Variants in DIO1 observed in about 807,000 individuals in gnomAD.
DIO1 encodes type I iodothyronine deiodinase.
Under a neutral mutation model 25.9 loss-of-function variants are expected in DIO1, and 17 were observed. The ratio of observed to expected loss-of-function variants is 0.66; its 90% CI spans 0.45 to 0.98. The LOEUF (loss-of-function observed/expected upper bound fraction) is 0.98. Among genes scored for constraint, DIO1 ranks in the 50% least tolerant of loss-of-function variants. The pLI is 0.00. For missense variants in DIO1, 270 were observed against 310.4 expected, an observed-to-expected ratio of 0.87 and a Z score of 0.98; for synonymous variants, 115 against 114.0, an observed-to-expected ratio of 1.01 and a Z score of -0.05.
At chr1:53,900,697 C>A (rs1651313359) in intron 1 of DIO1, among the ~76,000 whole-genome samples, 1 of 152,072 alleles carries the variant, frequency 6.6e-6, no homozygotes, top group African/African-American at 2.4e-5. Flanking sequence ...TATAGTTAAC[C>A]AAATAAACCA....
chr1:53,907,911 C>T (rs1304622860), intron 3 of DIO1, among the ~76,000 whole-genome samples: 2 of 90,870 alleles, frequency 2.2e-5, no homozygotes, highest in Admixed American at 1.3e-4. Context: ...AACTCTGTCT[C>T]GGAAAAAAAA....
chr1:53,904,272 A>G (rs77246978), intron 1 of DIO1, among the ~76,000 whole-genome samples: 4 of 152,200 alleles, frequency 2.6e-5, no homozygotes, highest in African/African-American at 7.2e-5. Context: ...ACCTGGAGCA[A>G]ATGTGTAAAA....
At chr1:53,901,753 A>T (rs1003948995) in intron 1 of DIO1, among the ~76,000 whole-genome samples, 3 of 152,116 alleles carry the variant, frequency 2.0e-5, no homozygotes, top group Non-Finnish European at 4.4e-5. Flanking sequence ...AGATATAGTC[A>T]AGTGCACCTA....
Position 53,902,290 on chromosome 1 carries a change from G to A in DIO1, c.338-2376G>A, listed in dbSNP as rs180809360. Among the ~76,000 whole-genome samples the A allele has an allele frequency of 6.6e-5, 10 of 151,832 alleles. No individual in the cohort carries two copies. In the East Asian group the frequency reaches 1.4e-3, roughly 21 times the overall value. On this transcript the variant is annotated intron_variant, in intron 1 of 3. Transcript: ENST00000361921. ...AGGTAACTCCTTTATAGCCTCTCTC[G>A]TAACACTGATCACAATTTGAAACTT...
rs1650951800 is a variant in DIO1 at position 53,894,271 on chromosome 1, G to A, written c.61G>A (p.Val21Met). 1.2e-6 allele frequency: 2 copies of A among 1,614,142 alleles called. No homozygotes were observed. Among genetic ancestry groups the A allele is most frequent in the Non-Finnish European group, 1.7e-6 (2 of 1,180,062 alleles). ...KRLWVLLEVAVHVVVGKVLLI... is the reference protein window; with the variant it reads ...KRLWVLLEVAMHVVVGKVLLI... ...GCTCTGGGTGCTCTTGGAGGTGGCTGTGCATGTGGTCGTGGGTAAAGTGCT... is the reference window on the plus strand; with the variant it reads ...GCTCTGGGTGCTCTTGGAGGTGGCTATGCATGTGGTCGTGGGTAAAGTGCT... Residue 21 changes from valine (V) to methionine (M), a missense_variant, in exon 1 of 4, where the codon GTG becomes ATG. Val to Met is a conservative substitution (Grantham distance 21). Coordinates refer to ENST00000361921, the MANE Select transcript of DIO1 (RefSeq NM_000792.7). This position sits in a 1 kb window ranked among gnomAD's most constrained non-coding sequence, Gnocchi z 4.9.
intron 1 of DIO1, among the ~76,000 whole-genome samples, chr1:53,897,888 A>G (rs1651161221): frequency 1.3e-5 from 2 of 152,230 alleles, no homozygotes; most frequent in Non-Finnish European, 2.9e-5. Context: ...AAAATTTTTA[A>G]TGGTAAGAGG....
chr1:53,907,876 A>G (rs1231260815), intron 3 of DIO1, among the ~76,000 whole-genome samples: 2 of 134,544 alleles, frequency 1.5e-5, no homozygotes, highest in African/African-American at 5.8e-5. Flanking sequence ...GCACCATTGC[A>G]CTCCAGCCTG....
At chr1:53,908,917 C>T (rs1315594899) in intron 3 of DIO1, among the ~76,000 whole-genome samples, 2 of 151,974 alleles carry the variant, frequency 1.3e-5, no homozygotes, top group African/African-American at 4.8e-5. Context: ...CATGGTGAAA[C>T]CCTGTCTCTA....
chr1:53,910,314 C>A lies in DIO1; in HGVS notation c.*315C>A. ...CTTTGGAGACCACATTCCCTGCACA[C>A]GGTCTTTGAGAGAGCAGTTGCACTC... On this transcript the variant is annotated 3_prime_UTR_variant, in exon 4 of 4. Transcript: ENST00000361921. 2.8e-6 allele frequency: 1 copy of A among 356,196 alleles called. No individual in the cohort carries two copies. Among genetic ancestry groups the A allele is most frequent in the South Asian group, 3.2e-5 (1 of 30,996 alleles). The allele number at this position is 356,196 out of a possible 1,614,324, so 22.1% of individuals were successfully genotyped here.
intron 3 of DIO1, among the ~76,000 whole-genome samples, chr1:53,909,704 C>T (rs1651851842): frequency 6.6e-6 from 1 of 152,140 alleles, no homozygotes; most frequent in East Asian, 1.9e-4. Flanking sequence ...CACTTTATGT[C>T]CTCTAGTTTT....
intron 1 of DIO1, among the ~76,000 whole-genome samples, chr1:53,899,194 A>C (rs1054612243): frequency 6.6e-6 from 1 of 152,196 alleles, no homozygotes; most frequent in Non-Finnish European, 1.5e-5. Context: ...TGGATACCTG[A>C]GAGTTAATCT....
At position 53,904,808 on chromosome 1, in the gene DIO1, A is replaced by G; in HGVS notation, c.480A>G (p.Ser160=). The change falls in exon 2 of 4, where the codon TCA becomes TCG. Residue 160 remains serine (S), a splice_region_variant and synonymous_variant. Transcript: ENST00000361921. ...LVIYIEEAHA[S]DGWAFKNNMD... ...TTTACATTGAAGAAGCACATGCATCAGGTACAGAAAGATTCTCTGCCTCTT... is the reference window on the plus strand; with the variant it reads ...TTTACATTGAAGAAGCACATGCATCGGGTACAGAAAGATTCTCTGCCTCTT... The G allele has an allele frequency of 8.7e-6, 14 of 1,609,798 alleles. No individual in the cohort carries two copies. The highest frequency in any genetic ancestry group is 1.1e-5 in the Non-Finnish European group (13 of 1,178,242).
chr1:53,904,778 T>C lies in DIO1; in HGVS notation c.450T>C (p.Leu150=). ...IEDFSSIADF[L]VIYIEEAHAS... ...ACTTTAGTTCCATAGCAGATTTTCTTGTCATTTACATTGAAGAAGCACATG... is the reference window on the plus strand; with the variant it reads ...ACTTTAGTTCCATAGCAGATTTTCTCGTCATTTACATTGAAGAAGCACATG... The change falls in exon 2 of 4, where the codon CTT becomes CTC. Residue 150 remains leucine, a synonymous_variant. Coordinates refer to ENST00000361921, the MANE Select transcript of DIO1 (RefSeq NM_000792.7). 6.2e-7 allele frequency: 1 copy of C among 1,612,996 alleles called. No homozygotes were observed.
At position 53,906,232 on chromosome 1, in the gene DIO1, C is replaced by T; in HGVS notation, c.619C>T (p.Gln207Ter). Residue 207 changes from glutamine to a stop codon, truncating the protein, a stop_gained, in exon 3 of 4, where the codon CAG becomes TAG. Coordinates refer to ENST00000361921, the MANE Select transcript of DIO1 (RefSeq NM_000792.7). LOFTEE classifies it high-confidence loss of function. ...GGACACCATGCAGAACCAGAGCAGC[C>T]AGCTCTACGCAGCACTGCCTGAGAG... is the stretch of plus-strand genomic sequence containing the variant. ...VVDTMQNQSS[Q>*]LYAALPERLY... 1 of 1,614,140 alleles carries T rather than the reference C, an allele frequency of 6.2e-7. No homozygotes were observed. Among genetic ancestry groups the T allele is most frequent in the South Asian group, 1.1e-5 (1 of 91,082 alleles).
Position 53,910,983 on chromosome 1 carries a change from A to T in DIO1, c.*984A>T, listed in dbSNP as rs919712491. Reference sequence around the variant, plus strand: ...ACTCTGTGTCTTTACATATTTGTTTATGATGGCCACAGCCTAAAGTACACA... The same window carrying T: ...ACTCTGTGTCTTTACATATTTGTTTTTGATGGCCACAGCCTAAAGTACACA... On this transcript the variant is annotated 3_prime_UTR_variant, in exon 4 of 4. Coordinates refer to ENST00000361921, the MANE Select transcript of DIO1 (RefSeq NM_000792.7). The T allele has an allele frequency of 2.6e-5, 4 of 152,686 alleles. No homozygotes were observed. Among genetic ancestry groups the T allele is most frequent in the African/African-American group, 9.6e-5 (4 of 41,472 alleles). The allele number at this position is 152,686 out of a possible 1,614,324, so 9.5% of individuals were successfully genotyped here. A position where few individuals can be genotyped will look rare whatever the true frequency, so the allele number is the denominator to read the frequency against.
rs764544360 is a variant in DIO1 at position 53,904,826 on chromosome 1, T to C, written c.481+17T>C. On this transcript the variant is annotated intron_variant, in intron 2 of 3. Transcript: ENST00000361921. ...ATGCATCAGGTACAGAAAGATTCTC[T>C]GCCTCTTCTACCTCTTCCCACTGTC... The C allele has an allele frequency of 6.2e-7, 1 of 1,605,898 alleles. No individual in the cohort carries two copies. The highest frequency in any genetic ancestry group is 8.5e-7 in the Non-Finnish European group (1 of 1,176,290).
intron 3 of DIO1, among the ~76,000 whole-genome samples, chr1:53,908,876 G>C (rs1557627134): frequency 1.3e-5 from 2 of 152,110 alleles, no homozygotes; most frequent in Non-Finnish European, 1.5e-5. Flanking sequence ...CAGATCACCT[G>C]AGGTCAGGAG....
Position 53,894,401 on chromosome 1 carries a change from C to T in DIO1, c.191C>T (p.Thr64Ile). Reference sequence around the variant, plus strand: ...TTCAGCCACGACAACTGGATACCAACCTTTTTCAGCACCCAGTATTTCTGG... The same window carrying T: ...TTCAGCCACGACAACTGGATACCAATCTTTTTCAGCACCCAGTATTTCTGG... Reference protein sequence around the residue: ...PHFSHDNWIPTFFSTQYFWFV... With the variant: ...PHFSHDNWIPIFFSTQYFWFV... Residue 64 changes from threonine (T) to isoleucine (I), a missense_variant, in exon 1 of 4, where the codon ACC becomes ATC. By Grantham distance (89) the Thr-to-Ile change is moderately conservative. Transcript: ENST00000361921. The surrounding 1 kb of genome is among the most constrained non-coding windows in gnomAD (Gnocchi z 4.9). The T allele has an allele frequency of 1.9e-6, 3 of 1,614,240 alleles. No homozygotes were observed. The highest frequency in any genetic ancestry group is 1.1e-5 in the South Asian group (1 of 91,084).
intron 1 of DIO1, 34 bp from the exon 2 acceptor site, chr1:53,904,632 G>C: frequency 6.2e-7 from 1 of 1,604,952 alleles, no homozygotes; most frequent in Non-Finnish European, 8.5e-7. Flanking sequence ...GCTGTGTGTA[G>C]GGTCTCAGTT....
Sources: allele counts gnomAD v4.1 joint callset (sites outside exome capture counted in the v4.1 genomes callset), GRCh38; gene constraint gnomAD v4.1.1; non-coding constraint Gnocchi (gnomAD v3.1); transcripts MANE v1.5; gene names NCBI Gene and HGNC (gene_info 2026-07-23, HGNC 2026-07-21).